NR3C2: variants seen among roughly 807,000 people sequenced by gnomAD.
NR3C2 encodes mineralocorticoid receptor.
Under a neutral mutation model 86.4 loss-of-function variants are expected in NR3C2, and 15 were observed. The ratio of observed to expected loss-of-function variants is 0.17; its 90% confidence interval spans 0.12 to 0.27. The LOEUF (loss-of-function observed/expected upper bound fraction) is 0.27, where lower values mean the gene tolerates loss of function less well. NR3C2 is among the 10% of genes least tolerant of loss of function. The pLI is 1.00. For synonymous variants in NR3C2, 458 were observed against 450.5 expected, an observed-to-expected ratio of 1.02 and a Z score of -0.21; for missense variants, 960 against 1,195.6, an observed-to-expected ratio of 0.80 and a Z score of 2.91.
At chr4:148,177,235 T>G in intron 4 of NR3C2, among the ~76,000 whole-genome samples, 1 of 152,238 alleles carries the variant, frequency 6.6e-6, no homozygotes, top group African/African-American at 2.4e-5. Flanking sequence ...AGTACGCATT[T>G]TATAATTTGA....
intron 6 of NR3C2, among the ~76,000 whole-genome samples, chr4:148,122,976 CA>C (rs1732578357): frequency 6.6e-6 from 1 of 151,790 alleles, no homozygotes; most frequent in Non-Finnish European, 1.5e-5. Flanking sequence ...CGGCGTCGGG[CA>C]AAAAAAGCCA....
intron 2 of NR3C2, among the ~76,000 whole-genome samples, chr4:148,396,101 A>G (rs1747846486): frequency 6.6e-6 from 1 of 152,202 alleles, no homozygotes; most frequent in South Asian, 2.1e-4. Context: ...TGGGCAATTT[A>G]TTTTAGACAG....
Position 148,363,506 on chromosome 4 carries a change from C to CTTTTTTTTT in NR3C2, c.1757+71589_1757+71597dup, listed in dbSNP as rs58978966. 8.6e-4 allele frequency among the ~76,000 whole-genome samples: 95 copies of CTTTTTTTTT among 110,744 alleles called. 2 individuals carry two copies. Among genetic ancestry groups the CTTTTTTTTT allele is most frequent in the African/African-American group, 1.8e-3 (52 of 28,848 alleles). The allele number at this position is 110,744 out of a possible 152,430, so 72.7% of individuals were successfully genotyped here. A position where few individuals can be genotyped will look rare whatever the true frequency, so the allele number is the denominator to read the frequency against. On this transcript the variant is annotated intron_variant, in intron 2 of 8. Coordinates refer to ENST00000358102, the MANE Select transcript of NR3C2 (RefSeq NM_000901.5). ...TAAAGTCTAGACTTCTCATAGATCTCTTTTTTTTTTTTTTTGAGACGGAGT... is the reference window on the plus strand; with the variant it reads ...TAAAGTCTAGACTTCTCATAGATCTCTTTTTTTTTTTTTTTTTTTTTTTTGAGACGGAGT...
intron 6 of NR3C2, among the ~76,000 whole-genome samples, chr4:148,127,299 G>A (rs1029175590): frequency 6.6e-6 from 1 of 152,114 alleles, no homozygotes; most frequent in African/African-American, 2.4e-5. Context: ...TTGAAATAAG[G>A]ACAATCTTTT....
At chr4:148,252,012 G>T (rs760257025) in intron 3 of NR3C2, among the ~76,000 whole-genome samples, 9 of 152,106 alleles carry the variant, frequency 5.9e-5, no homozygotes, top group Non-Finnish European at 1.3e-4. Flanking sequence ...GAAGGCCTGG[G>T]CTGCCTGGGT....
At chr4:148,240,782 T>A (rs1402659223) in intron 3 of NR3C2, among the ~76,000 whole-genome samples, 2 of 152,190 alleles carry the variant, frequency 1.3e-5, no homozygotes, top group African/African-American at 4.8e-5. Context: ...AAGGAACACA[T>A]CTGCCCGTCC....
chr4:148,229,337 C>T (rs930375026), intron 3 of NR3C2, among the ~76,000 whole-genome samples: 9 of 152,124 alleles, frequency 5.9e-5, no homozygotes, highest in African/African-American at 1.2e-4. Context: ...CCTCTTTCTT[C>T]GCTGAGAACT....
chr4:148,420,804 CA>C (rs1435330571), intron 2 of NR3C2, among the ~76,000 whole-genome samples: 1 of 152,140 alleles, frequency 6.6e-6, no homozygotes, highest in Non-Finnish European at 1.5e-5. Flanking sequence ...TCTGGTTATT[CA>C]AAAGTGTGTA....
chr4:148,298,900 A>G (rs150991144), intron 2 of NR3C2, among the ~76,000 whole-genome samples: 3 of 152,368 alleles, frequency 2.0e-5, no homozygotes, highest in African/African-American at 7.2e-5. Flanking sequence ...AGATAAGGGA[A>G]CCTGCCCAAG....
intron 3 of NR3C2, among the ~76,000 whole-genome samples, chr4:148,211,387 T>A (rs961051430): frequency 1.3e-5 from 2 of 152,206 alleles, no homozygotes; most frequent in African/African-American, 4.8e-5. Flanking sequence ...GCTTTAGAAT[T>A]TTTCATTAGG....
intron 4 of NR3C2, among the ~76,000 whole-genome samples, chr4:148,190,279 G>C (rs1257427485): frequency 6.6e-6 from 1 of 152,082 alleles, no homozygotes; most frequent in East Asian, 1.9e-4. Context: ...TTGCCATCTT[G>C]ATTTTGTTTT....
intron 2 of NR3C2, among the ~76,000 whole-genome samples, chr4:148,275,224 A>G (rs775353491): frequency 2.6e-5 from 4 of 152,184 alleles, no homozygotes; most frequent in Non-Finnish European, 5.9e-5. Flanking sequence ...ACTTTTTCTA[A>G]TAAGTGTAAG....
chr4:148,309,168 A>T (rs1282133352), intron 2 of NR3C2, among the ~76,000 whole-genome samples: 1 of 152,190 alleles, frequency 6.6e-6, no homozygotes. Context: ...AATTTAAAAA[A>T]TTTTTTAAAG....
intron 8 of NR3C2, among the ~76,000 whole-genome samples, chr4:148,097,280 A>G (rs906136855): frequency 1.3e-5 from 2 of 152,168 alleles, no homozygotes; most frequent in East Asian, 1.9e-4. Flanking sequence ...ATTTCCCTTT[A>G]AGCCTACATT....
chr4:148,424,330 T>G (rs1029005997), intron 2 of NR3C2, among the ~76,000 whole-genome samples: 1 of 152,228 alleles, frequency 6.6e-6, no homozygotes, highest in African/African-American at 2.4e-5. Flanking sequence ...TCTAATACAC[T>G]GCTGATGGGA....
intron 2 of NR3C2, among the ~76,000 whole-genome samples, chr4:148,406,051 A>G (rs1579260198): frequency 2.0e-5 from 3 of 152,168 alleles, no homozygotes; most frequent in Non-Finnish European, 4.4e-5. Context: ...CTGCAGTCCC[A>G]GCTACTTGGA....
chr4:148,357,836 G>A (rs61761542), intron 2 of NR3C2, among the ~76,000 whole-genome samples: 10 of 152,084 alleles, frequency 6.6e-5, no homozygotes, highest in Non-Finnish European at 1.2e-4. Context: ...GCAAGGCAAA[G>A]GTTTGATGAG....
intron 6 of NR3C2, among the ~76,000 whole-genome samples, chr4:148,148,144 C>T (rs761070915): frequency 4.1e-5 from 5 of 121,926 alleles, no homozygotes; most frequent in Non-Finnish European, 7.6e-5. Flanking sequence ...CTCTCCCTTC[C>T]CCTGCCCTTC....
At chr4:148,339,594 T>C (rs998589357) in intron 2 of NR3C2, among the ~76,000 whole-genome samples, 5 of 152,152 alleles carry the variant, frequency 3.3e-5, no homozygotes, top group African/African-American at 1.2e-4. Context: ...AAATGCATAA[T>C]GAACTAATTG....
Sources: gnomAD v4.1 joint callset for allele counts (sites outside exome capture counted in the v4.1 genomes callset) on GRCh38, gnomAD v4.1.1 for gene constraint, MANE v1.5 for transcripts, NCBI Gene and HGNC (gene_info 2026-07-23, HGNC 2026-07-21) for gene names.